Variants in ZNF710 observed in about 807,000 individuals in gnomAD.
ZNF710 encodes the protein zinc finger protein 710.
A neutral mutation model predicts 50.6 loss-of-function variants in ZNF710; 13 were observed. The ratio of observed to expected loss-of-function variants is 0.26; its 90% CI spans 0.17 to 0.41. The LOEUF (loss-of-function observed/expected upper bound fraction) is 0.41, where lower values mean the gene tolerates loss of function less well. Ranked by LOEUF, ZNF710 falls within the 10% of genes least tolerant of loss-of-function variation. The pLI, the probability that ZNF710 is intolerant of heterozygous loss-of-function variation, is 1.00. For missense variants in ZNF710, 721 were observed against 936.6 expected (o/e 0.77, Z 3.01); for synonymous variants, 383 against 397.0 (o/e 0.96, Z 0.42).
At chr15:90,070,281 A>G (rs1347448117) in intron 2 of ZNF710, among the ~76,000 whole-genome samples, 3 of 150,910 alleles carry the variant, frequency 2.0e-5, no homozygotes, top group Admixed American at 6.6e-5. Flanking sequence ...GTTTGCTTGA[A>G]CCCAGGAGTT....
chr15:90,005,699 C>T (rs184032409), intron 1 of ZNF710, among the ~76,000 whole-genome samples: 25 of 152,092 alleles, frequency 1.6e-4, no homozygotes, highest in Non-Finnish European at 2.9e-4. Context: ...CTGCCCGCCT[C>T]GGCCTCCCAA....
rs187050923 is a variant in ZNF710 at position 90,020,851 on chromosome 15, G to T, written c.-29+19237G>T. Among the ~76,000 whole-genome samples the T allele has an allele frequency of 5.9e-5, 9 of 152,330 alleles. 1 individual carries two copies. The East Asian group carries it at 1.7e-3, about 29-fold the overall frequency. On this transcript the variant is annotated intron_variant, in intron 1 of 4. Transcript: ENST00000268154. ...CCCCGCAACTTGTGACAGTGTTACA[G>T]ATCTCATTCTGCAACCTTAGATTCA...
At chr15:90,050,807 C>T (rs911979741) in intron 1 of ZNF710, among the ~76,000 whole-genome samples, 5 of 151,958 alleles carry the variant, frequency 3.3e-5, no homozygotes, top group Non-Finnish European at 5.9e-5. Context: ...TGCTTATTTC[C>T]TATGTGATAT....
rs1385191975 is a variant in ZNF710, at chr15:90,059,871, G to C, written c.-28-7239G>C. 6.6e-6 allele frequency among the ~76,000 whole-genome samples: 1 copy of C among 152,332 alleles called. No homozygotes were observed. Among genetic ancestry groups the C allele is most frequent in the Non-Finnish European group, 1.5e-5 (1 of 68,026 alleles). On this transcript the variant is annotated intron_variant, in intron 1 of 4. Coordinates refer to ENST00000268154, the MANE Select transcript of ZNF710 (RefSeq NM_198526.4). The surrounding 1 kb of genome is among the most constrained non-coding windows in gnomAD (Gnocchi z 4.1). ...CCCGTGCATGTTTTTCACAGCGGGTGTACAGGCCTGGAACTTCCTCTTCTC... is the reference window on the plus strand; with the variant it reads ...CCCGTGCATGTTTTTCACAGCGGGTCTACAGGCCTGGAACTTCCTCTTCTC...
At chr15:90,069,675 A>G (rs2151531135) in intron 2 of ZNF710, among the ~76,000 whole-genome samples, 1 of 152,320 alleles carries the variant, frequency 6.6e-6, no homozygotes, top group Middle Eastern at 3.4e-3. Flanking sequence ...GAGAAGATGT[A>G]AGGAAAAATA....
rs190527818 is a variant in ZNF710, at chr15:90,061,694, T to C, written c.-28-5416T>C. ...TGCTCCTAGAGTGATGGGGTCCCCA[T>C]GAGAGGAAAGGAGCACTGTTGTGAG... On this transcript the variant is annotated intron_variant, in intron 1 of 4. Coordinates refer to ENST00000268154, the MANE Select transcript of ZNF710 (RefSeq NM_198526.4). Among the ~76,000 whole-genome samples the C allele has an allele frequency of 5.5e-4, 83 of 152,076 alleles. 1 individual carries two copies. In the East Asian group the frequency reaches 0.014, roughly 25 times the overall value.
Position 90,063,131 on chromosome 15 carries a change from C to T in ZNF710, c.-28-3979C>T, listed in dbSNP as rs548729341. Reference sequence around the variant, plus strand: ...CCTTCATGTTGCAGTTTGCCCAGGTCGTGCCTACGTGCCCCTGCTGGCCTG... The same window carrying T: ...CCTTCATGTTGCAGTTTGCCCAGGTTGTGCCTACGTGCCCCTGCTGGCCTG... On this transcript the variant is annotated intron_variant, in intron 1 of 4. Transcript: ENST00000268154. Among the ~76,000 whole-genome samples, 621 of 152,286 alleles carry T rather than the reference C, an allele frequency of 4.1e-3. 5 individuals carry two copies. Among genetic ancestry groups the T allele is most frequent in the African/African-American group, 0.013 (537 of 41,570 alleles).
At chr15:90,026,998 T>G (rs2151480467) in intron 1 of ZNF710, among the ~76,000 whole-genome samples, 1 of 152,272 alleles carries the variant, frequency 6.6e-6, no homozygotes, top group East Asian at 1.9e-4. Context: ...TATTTAACAT[T>G]GCTTTTAACA....
At chr15:90,069,478 T>C (rs1043184082) in intron 2 of ZNF710, among the ~76,000 whole-genome samples, 1 of 151,928 alleles carries the variant, frequency 6.6e-6, no homozygotes, top group Admixed American at 6.6e-5. Context: ...CACTGAAGTA[T>C]CTTACCCTCC....
intron 4 of ZNF710, chr15:90,074,633 G>T: frequency 1.4e-6 from 1 of 699,238 alleles, no homozygotes; most frequent in Non-Finnish European, 2.1e-6. Context: ...TGCAGAAACT[G>T]AAGAACAGAG....
intron 1 of ZNF710, among the ~76,000 whole-genome samples, chr15:90,042,728 G>A (rs562541335): frequency 3.9e-5 from 6 of 152,346 alleles, no homozygotes; most frequent in Non-Finnish European, 8.8e-5. Context: ...CATTTTGGGA[G>A]ACACACGGTC....
At chr15:90,066,539 G>A (rs1346036654) in intron 1 of ZNF710, among the ~76,000 whole-genome samples, 5 of 147,398 alleles carry the variant, frequency 3.4e-5, no homozygotes, top group Admixed American at 1.4e-4. Flanking sequence ...GTGCAGTGGC[G>A]CGATCTCGGC....
At chr15:90,020,765 GA>G (rs1298649500) in intron 1 of ZNF710, among the ~76,000 whole-genome samples, 4 of 152,210 alleles carry the variant, frequency 2.6e-5, no homozygotes, top group Non-Finnish European at 4.4e-5. Flanking sequence ...GTCTGGGGAT[GA>G]GATCTCTTAT....
At chr15:90,027,846 G>GAAAAAAAAAAA (rs11390221) in intron 1 of ZNF710, among the ~76,000 whole-genome samples, 1 of 133,360 alleles carries the variant, frequency 7.5e-6, no homozygotes, top group Non-Finnish European at 1.6e-5. Context: ...ACACTGTCTC[G>GAAAAAAAAAAA]AAAAAAAAAA....
chr15:90,049,728 G>C (rs1314001434), intron 1 of ZNF710, among the ~76,000 whole-genome samples: 1 of 152,036 alleles, frequency 6.6e-6, no homozygotes, highest in Non-Finnish European at 1.5e-5. Context: ...CTGCCCTCTG[G>C]TTCTCCTCCC....
At position 90,019,193 on chromosome 15, in the gene ZNF710, T is replaced by C. The variant is rs531607020; in HGVS notation, c.-29+17579T>C. On this transcript the variant is annotated intron_variant, in intron 1 of 4. Coordinates refer to ENST00000268154, the MANE Select transcript of ZNF710 (RefSeq NM_198526.4). ...ATCTTATTACTTTTTCTTTCTTTTTTTTTTTTTTTTTTTTTTGCTTTTACT... is the reference window on the plus strand; with the variant it reads ...ATCTTATTACTTTTTCTTTCTTTTTCTTTTTTTTTTTTTTTTGCTTTTACT... 3.7e-3 allele frequency among the ~76,000 whole-genome samples: 541 copies of C among 146,628 alleles called. 1 individual carries two copies. The highest frequency in any genetic ancestry group is 0.013 in the African/African-American group (512 of 40,146).
At chr15:90,061,557 CA>C (rs1245633958) in intron 1 of ZNF710, among the ~76,000 whole-genome samples, 2 of 152,176 alleles carry the variant, frequency 1.3e-5, no homozygotes, top group Admixed American at 6.5e-5. Flanking sequence ...GTTCTTCCTT[CA>C]AAATGGCTCC....
chr15:90,069,043 T>C (rs771329982), intron 2 of ZNF710, among the ~76,000 whole-genome samples: 1 of 151,956 alleles, frequency 6.6e-6, no homozygotes, highest in Non-Finnish European at 1.5e-5. Flanking sequence ...GCCTTGCCAA[T>C]GTGGTGAAAC....
At position 90,040,234 on chromosome 15, in the gene ZNF710, G is replaced by A. The variant is rs951912996; in HGVS notation, c.-28-26876G>A. Among the ~76,000 whole-genome samples the A allele has an allele frequency of 2.0e-5, 3 of 152,188 alleles. No individual in the cohort carries two copies. Among genetic ancestry groups the A allele is most frequent in the East Asian group, 1.9e-4 (1 of 5,194 alleles). On this transcript the variant is annotated intron_variant, in intron 1 of 4. Transcript: ENST00000268154. The surrounding 1 kb of genome is among the most constrained non-coding windows in gnomAD (Gnocchi z 4.6). ...GCCTCCTCTGCACGTAGATCATACCGCCTTTGTTGAGGAAGTCGTGTCTGA... is the reference window on the plus strand; with the variant it reads ...GCCTCCTCTGCACGTAGATCATACCACCTTTGTTGAGGAAGTCGTGTCTGA...
Sources: allele counts gnomAD v4.1 joint callset (sites outside exome capture counted in the v4.1 genomes callset), GRCh38; gene constraint gnomAD v4.1.1; non-coding constraint Gnocchi (gnomAD v3.1); transcripts MANE v1.5; gene names NCBI Gene and HGNC (gene_info 2026-07-23, HGNC 2026-07-21).